OLFM3: variants seen among roughly 807,000 people sequenced by gnomAD.
OLFM3 encodes the protein noelin-3.
In OLFM3, 20 loss-of-function variants were observed where a neutral mutation model predicts 48.6. That is an observed-to-expected ratio of 0.41 (90% CI 0.29 to 0.60). OLFM3 has a LOEUF of 0.60. Ranked by LOEUF, OLFM3 falls within the 20% of genes least tolerant of loss-of-function variation. The probability of loss-of-function intolerance (pLI) is 0.28; values close to 1 mark genes in which losing one functional copy is unlikely to be tolerated. For synonymous variants in OLFM3, 222 were observed against 198.1 expected (o/e 1.12, Z -1.01); for missense variants, 437 against 544.3 (o/e 0.80, Z 1.96).
chr1:101,900,748 T>G (rs776251268), intron 1 of OLFM3, among the ~76,000 whole-genome samples: 3 of 152,068 alleles, frequency 2.0e-5, no homozygotes, highest in Non-Finnish European at 4.4e-5. Context: ...GATTGAGATG[T>G]AAAGGATATT....
At chr1:101,828,026 C>CTGTCTGTCTG (rs1418413295) in intron 3 of OLFM3, among the ~76,000 whole-genome samples, 2,740 of 100,702 alleles carry the variant, frequency 0.027, 102 homozygotes, top group Admixed American at 0.073. Flanking sequence ...CTCTCTCTCT[C>CTGTCTGTCTG]TCTCTCTGTC....
intron 1 of OLFM3, among the ~76,000 whole-genome samples, chr1:101,933,296 C>T (rs1659513153): frequency 1.4e-5 from 2 of 147,046 alleles, no homozygotes; most frequent in African/African-American, 2.5e-5. Context: ...GAAAAACTCA[C>T]ATCAATAATT....
chr1:101,825,658 T>G (rs1305093855), intron 3 of OLFM3, among the ~76,000 whole-genome samples: 1 of 152,174 alleles, frequency 6.6e-6, no homozygotes. Context: ...TGAAAATAGG[T>G]CAATACCCTA....
At chr1:101,979,618 T>C (rs1305685906) in intron 1 of OLFM3, among the ~76,000 whole-genome samples, 2 of 152,108 alleles carry the variant, frequency 1.3e-5, no homozygotes, top group South Asian at 2.1e-4. Flanking sequence ...TTTCAGAGAA[T>C]GTATGGAAAT....
intron 1 of OLFM3, among the ~76,000 whole-genome samples, chr1:101,847,700 T>C (rs1422680412): frequency 1.3e-5 from 2 of 152,218 alleles, no homozygotes; most frequent in Non-Finnish European, 2.9e-5. Context: ...AAATTTTATA[T>C]GTGTTTCCAG....
At chr1:101,877,358 C>G (rs1657342642) in intron 1 of OLFM3, among the ~76,000 whole-genome samples, 1 of 151,918 alleles carries the variant, frequency 6.6e-6, no homozygotes, top group Non-Finnish European at 1.5e-5. Flanking sequence ...AGTTATTGTA[C>G]CTTGACTACT....
intron 1 of OLFM3, among the ~76,000 whole-genome samples, chr1:101,951,562 A>G (rs1660145176): frequency 6.6e-6 from 1 of 152,158 alleles, no homozygotes; most frequent in South Asian, 2.1e-4. Flanking sequence ...AGAATTCTGA[A>G]GGTTCTTAGG....
intron 4 of OLFM3, chr1:101,812,397 A>G: frequency 2.0e-6 from 2 of 984,460 alleles, no homozygotes; most frequent in East Asian, 1.1e-4. Context: ...ACTGCCTCCT[A>G]TGGTATAGGT....
chr1:101,828,046 G>GTCTA (rs1557691398), intron 3 of OLFM3, among the ~76,000 whole-genome samples: 2 of 129,966 alleles, frequency 1.5e-5, no homozygotes, highest in Non-Finnish European at 1.7e-5. Flanking sequence ...CTGTCTGTCT[G>GTCTA]TCTGTCTCTC....
At chr1:101,975,377 A>G (rs1349487098) in intron 1 of OLFM3, among the ~76,000 whole-genome samples, 3 of 152,218 alleles carry the variant, frequency 2.0e-5, no homozygotes, top group African/African-American at 7.2e-5. Context: ...AAACGTAACA[A>G]CATCCTGTGG....
At chr1:101,861,892 G>T (rs957996940) in intron 1 of OLFM3, among the ~76,000 whole-genome samples, 1 of 152,214 alleles carries the variant, frequency 6.6e-6, no homozygotes, top group Non-Finnish European at 1.5e-5. Context: ...AACGAAGTTA[G>T]ATTTATTAAC....
intron 2 of OLFM3, 36 bp downstream of exon 2, chr1:101,836,843 T>G (rs759782288): frequency 6.2e-7 from 1 of 1,604,798 alleles, no homozygotes; most frequent in Non-Finnish European, 8.5e-7. Context: ...TGGTCGATTT[T>G]ACTAAAAATA....
chr1:101,940,072 A>T (rs1659739890), intron 1 of OLFM3, among the ~76,000 whole-genome samples: 1 of 152,170 alleles, frequency 6.6e-6, no homozygotes. Flanking sequence ...GTGGGAATTC[A>T]TATGGGCCAG....
chr1:101,907,957 A>G (rs980412181), intron 1 of OLFM3, among the ~76,000 whole-genome samples: 4 of 152,322 alleles, frequency 2.6e-5, no homozygotes, highest in Admixed American at 2.6e-4. Context: ...CATCCCCAAA[A>G]TATGTTAATT....
At chr1:101,946,886 T>G (rs1179556296) in intron 1 of OLFM3, among the ~76,000 whole-genome samples, 1 of 152,176 alleles carries the variant, frequency 6.6e-6, no homozygotes, top group Non-Finnish European at 1.5e-5. Flanking sequence ...AAATACATAG[T>G]ACACAGTGAA....
chr1:101,857,838 G>A (rs1328162339), intron 1 of OLFM3, among the ~76,000 whole-genome samples: 2 of 151,960 alleles, frequency 1.3e-5, no homozygotes, highest in Non-Finnish European at 2.9e-5. Context: ...TTTAACCATT[G>A]CCTAGGCCGT....
intron 1 of OLFM3, among the ~76,000 whole-genome samples, chr1:101,889,196 T>A (rs1201284222): frequency 6.6e-6 from 1 of 152,166 alleles, no homozygotes; most frequent in Non-Finnish European, 1.5e-5. Flanking sequence ...TAAAGACACA[T>A]GCACACGTAT....
At chr1:101,857,538 T>C (rs547980593) in intron 1 of OLFM3, among the ~76,000 whole-genome samples, 30 of 151,966 alleles carry the variant, frequency 2.0e-4, no homozygotes, top group African/African-American at 7.0e-4. Flanking sequence ...ATATTTACCA[T>C]ACTGAAAATG....
chr1:101,896,389 T>G (rs1240034928), intron 1 of OLFM3, among the ~76,000 whole-genome samples: 12 of 152,114 alleles, frequency 7.9e-5, no homozygotes, highest in Admixed American at 7.9e-4. Flanking sequence ...AGCTGATACG[T>G]TCTAAGAGTG....
Sources: allele counts gnomAD v4.1 joint callset (sites outside exome capture counted in the v4.1 genomes callset), GRCh38; gene constraint gnomAD v4.1.1; transcripts MANE v1.5; gene names NCBI Gene and HGNC (gene_info 2026-07-23, HGNC 2026-07-21).